The following ARHGAP26 variants were observed in gnomAD, a reference collection of about 807,000 sequenced individuals.
ARHGAP26 encodes rho GTPase-activating protein 26.
ARHGAP26 carries 38 observed loss-of-function variants against 104.8 expected under a neutral mutation model. The observed-to-expected ratio is 0.36, with a 90% CI of 0.28 to 0.48. ARHGAP26 has a LOEUF of 0.48. Ranked by LOEUF, ARHGAP26 falls within the 20% of genes least tolerant of loss-of-function variation. The pLI is 0.99. For synonymous variants in ARHGAP26, 341 were observed against 340.0 expected (o/e 1.00, Z -0.03); for missense variants, 704 against 947.9 (o/e 0.74, Z 3.38).
At chr5:142,772,866 TG>T (rs1755515140) in intron 1 of ARHGAP26, 1 of 533,414 alleles carries the variant, frequency 1.9e-6, no homozygotes, top group African/African-American at 1.9e-5. Context: ...TTTGGGTGAC[TG>T]GCAGTTTTCC....
At chr5:142,928,533 G>T (rs1764248651) in intron 10 of ARHGAP26, among the ~76,000 whole-genome samples, 2 of 152,276 alleles carry the variant, frequency 1.3e-5, no homozygotes, top group Middle Eastern at 3.4e-3. Context: ...GGTGGTCAAC[G>T]TGAGCTCTCT....
intron 1 of ARHGAP26, among the ~76,000 whole-genome samples, chr5:142,791,469 C>T (rs1243331217): frequency 6.6e-6 from 1 of 152,078 alleles, no homozygotes; most frequent in Non-Finnish European, 1.5e-5. Flanking sequence ...TAGCACTATG[C>T]AGGAAGGCCA....
At chr5:142,988,368 T>G (rs573817985) in intron 11 of ARHGAP26, among the ~76,000 whole-genome samples, 111 of 152,176 alleles carry the variant, frequency 7.3e-4, no homozygotes, top group Admixed American at 2.8e-3. Flanking sequence ...GTTTCTAGTT[T>G]ATTCTTCTCT....
intron 1 of ARHGAP26, among the ~76,000 whole-genome samples, chr5:142,794,703 G>T (rs548816512): frequency 2.0e-5 from 3 of 152,290 alleles, no homozygotes; most frequent in East Asian, 3.9e-4. Flanking sequence ...AGGAGGGAGA[G>T]AGGGGACTGC....
At position 143,045,264 on chromosome 5, in the gene ARHGAP26, A is replaced by T. The variant is rs73796530; in HGVS notation, c.1285+3374A>T. On this transcript the variant is annotated intron_variant, in intron 14 of 22. Transcript: ENST00000645722. The stretch of plus-strand genomic sequence containing the variant: ...AGTCACGAGGGCAGCTGCCTCTGCC[A>T]GGAGGACATTACAGACAGACTGGAA... Among the ~76,000 whole-genome samples the T allele has an allele frequency of 3.1e-3, 478 of 152,338 alleles. 7 individuals are homozygous for T. Among genetic ancestry groups the T allele is most frequent in the African/African-American group, 0.011 (455 of 41,582 alleles).
chr5:143,016,343 G>A (rs181326600), intron 12 of ARHGAP26, among the ~76,000 whole-genome samples: 52 of 152,290 alleles, frequency 3.4e-4, no homozygotes, highest in African/African-American at 1.1e-3. Flanking sequence ...CTTGCCTTGG[G>A]TGTCTAATGA....
At chr5:143,018,368 TG>T (rs1345147990) in intron 12 of ARHGAP26, among the ~76,000 whole-genome samples, 2 of 152,234 alleles carry the variant, frequency 1.3e-5, no homozygotes, top group Non-Finnish European at 2.9e-5. Flanking sequence ...ATCTCTTTTT[TG>T]CTTTCTTGTT....
chr5:143,184,839 G>A (rs186405799), intron 20 of ARHGAP26, among the ~76,000 whole-genome samples: 19 of 152,328 alleles, frequency 1.2e-4, no homozygotes, highest in Admixed American at 1.2e-3. Context: ...GAACGTGTGT[G>A]AGGCCAAATT....
chr5:143,178,970 AGC>A (rs1803905814), intron 20 of ARHGAP26, among the ~76,000 whole-genome samples: 1 of 152,004 alleles, frequency 6.6e-6, no homozygotes, highest in South Asian at 2.1e-4. Context: ...CCCGGGTTCA[AGC>A]GATTCTCCTG....
intron 1 of ARHGAP26, among the ~76,000 whole-genome samples, chr5:142,794,497 T>C (rs1223809330): frequency 1.3e-5 from 2 of 152,204 alleles, no homozygotes; most frequent in African/African-American, 4.8e-5. Flanking sequence ...TTACCCACAT[T>C]TGAAAATTAC....
At chr5:142,857,581 T>G (rs567261460) in intron 1 of ARHGAP26, among the ~76,000 whole-genome samples, 2 of 152,148 alleles carry the variant, frequency 1.3e-5, no homozygotes, top group Non-Finnish European at 2.9e-5. Flanking sequence ...CTCACTGTCC[T>G]AGGAGCACCT....
At chr5:143,055,459 T>C (rs1785662964) in intron 15 of ARHGAP26, among the ~76,000 whole-genome samples, 1 of 152,204 alleles carries the variant, frequency 6.6e-6, no homozygotes, top group Admixed American at 6.5e-5. Context: ...AGAAGTTTCT[T>C]ATTTGAACTA....
chr5:143,161,906 C>A (rs1473233794), intron 20 of ARHGAP26, among the ~76,000 whole-genome samples: 1 of 152,094 alleles, frequency 6.6e-6, no homozygotes, highest in Admixed American at 6.6e-5. Context: ...GTATTGAAAA[C>A]CTTCAAAAAC....
chr5:142,981,596 G>A (rs1773951396), intron 11 of ARHGAP26, among the ~76,000 whole-genome samples: 1 of 152,144 alleles, frequency 6.6e-6, no homozygotes, highest in African/African-American at 2.4e-5. Flanking sequence ...CCATGAGTGT[G>A]CTCTTGATAG....
intron 1 of ARHGAP26, among the ~76,000 whole-genome samples, chr5:142,806,715 C>T (rs973590397): frequency 1.3e-5 from 2 of 152,028 alleles, no homozygotes; most frequent in African/African-American, 4.8e-5. Flanking sequence ...CAGTTATGTA[C>T]CCCCCCACTA....
chr5:143,172,296 T>G (rs1802884461), intron 20 of ARHGAP26, among the ~76,000 whole-genome samples: 1 of 151,496 alleles, frequency 6.6e-6, no homozygotes. Flanking sequence ...GGCTTGTTAC[T>G]CTTTAAAAAA....
intron 1 of ARHGAP26, among the ~76,000 whole-genome samples, chr5:142,799,605 G>T (rs759753348): frequency 6.6e-5 from 10 of 152,168 alleles, no homozygotes; most frequent in Non-Finnish European, 1.2e-4. Context: ...ATAACCAACA[G>T]AAATTTATTG....
chr5:143,162,501 A>T (rs1192915913), intron 20 of ARHGAP26, among the ~76,000 whole-genome samples: 1 of 152,170 alleles, frequency 6.6e-6, no homozygotes, highest in Non-Finnish European at 1.5e-5. Flanking sequence ...TAGAGACAAG[A>T]TCTACATGTT....
At chr5:142,936,610 C>A (rs974853550) in intron 11 of ARHGAP26, among the ~76,000 whole-genome samples, 4 of 152,226 alleles carry the variant, frequency 2.6e-5, no homozygotes, top group African/African-American at 9.6e-5. Flanking sequence ...AGTCTGTCTA[C>A]CCTATTTTAA....
Sources: gnomAD v4.1 joint callset for allele counts (sites outside exome capture counted in the v4.1 genomes callset) on GRCh38, gnomAD v4.1.1 for gene constraint, MANE v1.5 for transcripts, NCBI Gene and HGNC (gene_info 2026-07-23, HGNC 2026-07-21) for gene names.